Variants in EFL1 observed in about 807,000 individuals in gnomAD.
EFL1 encodes elongation factor-like GTPase 1.
A neutral mutation model predicts 126.7 loss-of-function variants in EFL1; 76 were observed. That is an observed-to-expected ratio of 0.60 (90% CI 0.50 to 0.73). The LOEUF (loss-of-function observed/expected upper bound fraction) is 0.73. Ranked by LOEUF, EFL1 falls within the 30% of genes least tolerant of loss-of-function variation. The probability of loss-of-function intolerance (pLI) is 0.00; values close to 1 mark genes in which losing one functional copy is unlikely to be tolerated. For synonymous variants in EFL1, 410 were observed against 448.4 expected (o/e 0.91, Z 1.08); for missense variants, 1,128 against 1,343.2 (o/e 0.84, Z 2.50).
chr15:82,259,721 G>A (rs1266750893), intron 2 of EFL1, among the ~76,000 whole-genome samples: 1 of 152,164 alleles, frequency 6.6e-6, no homozygotes, highest in African/African-American at 2.4e-5. Flanking sequence ...ATATAAACAG[G>A]TGATTCTGTG....
At chr15:82,219,933 A>AT (rs1280919824) in intron 13 of EFL1, 115 bp from the exon 14 acceptor site, 3 of 1,489,228 alleles carry the variant, frequency 2.0e-6, no homozygotes, top group Admixed American at 2.4e-5. Context: ...AGGAAAAAAA[A>AT]GAAAACAAAA....
chr15:82,251,204 T>G (rs527520244), intron 4 of EFL1, among the ~76,000 whole-genome samples: 37 of 152,020 alleles, frequency 2.4e-4, no homozygotes, highest in Non-Finnish European at 2.6e-4. Context: ...AGAGCAAGAC[T>G]CCGTCTCAAA....
intron 16 of EFL1, among the ~76,000 whole-genome samples, chr15:82,160,856 G>A (rs2074015852): frequency 6.6e-6 from 1 of 152,172 alleles, no homozygotes. Flanking sequence ...CTCATGTGAA[G>A]ATGAGAATAA....
chr15:82,216,751 T>G (rs1229665722), intron 14 of EFL1, among the ~76,000 whole-genome samples: 1 of 152,028 alleles, frequency 6.6e-6, no homozygotes, highest in Admixed American at 6.6e-5. Context: ...ATAAGAGAGT[T>G]TTGTGACTTC....
At chr15:82,200,555 T>C (rs1466489924) in intron 15 of EFL1, among the ~76,000 whole-genome samples, 2 of 149,280 alleles carry the variant, frequency 1.3e-5, no homozygotes, top group African/African-American at 2.5e-5. Context: ...AGAATATTTC[T>C]GCTTCTCTTA....
intron 19 of EFL1, among the ~76,000 whole-genome samples, chr15:82,133,683 C>T (rs1161354099): frequency 6.6e-6 from 1 of 152,150 alleles, no homozygotes; most frequent in African/African-American, 2.4e-5. Flanking sequence ...TTTTAAGACA[C>T]CCGGCCACAA....
intron 15 of EFL1, among the ~76,000 whole-genome samples, chr15:82,203,072 T>C (rs2074487494): frequency 6.6e-6 from 1 of 152,064 alleles, no homozygotes; most frequent in Admixed American, 6.5e-5. Flanking sequence ...CAGTCTCCCA[T>C]AATGCTGGGA....
At position 82,142,622 on chromosome 15, in the gene EFL1, T is replaced by C. The variant is rs72749529; in HGVS notation, c.2990-3780A>G. Among the ~76,000 whole-genome samples the C allele has an allele frequency of 6.9e-3, 1,058 of 152,252 alleles. 9 individuals are homozygous for C. The highest frequency in any genetic ancestry group is 8.2e-3 in the Non-Finnish European group (560 of 68,016). On this transcript the variant is annotated intron_variant, in intron 18 of 19. Transcript: ENST00000268206. ...AAAAGATTAATCAATTAAAACAGTA[T>C]TGATCAGTGCTCAACTGTTAATGAC...
chr15:82,260,907 A>G (rs1403054564), intron 2 of EFL1, among the ~76,000 whole-genome samples: 1 of 152,172 alleles, frequency 6.6e-6, no homozygotes, highest in African/African-American at 2.4e-5. Context: ...TGCTGTGGTT[A>G]CCTAAACTAC....
chr15:82,223,933 T>C (rs1203774850), intron 12 of EFL1, among the ~76,000 whole-genome samples: 1 of 152,142 alleles, frequency 6.6e-6, no homozygotes, highest in Non-Finnish European at 1.5e-5. Flanking sequence ...AGGACAAAAA[T>C]TATTGAATAC....
intron 15 of EFL1, among the ~76,000 whole-genome samples, chr15:82,213,979 A>C (rs965266642): frequency 3.0e-4 from 46 of 152,252 alleles, no homozygotes; most frequent in African/African-American, 1.1e-3. Context: ...GGACCAACAG[A>C]CTAGGCCTTT....
chr15:82,188,900 T>TTC (rs1448940341), intron 15 of EFL1, among the ~76,000 whole-genome samples: 1 of 151,174 alleles, frequency 6.6e-6, no homozygotes, highest in Non-Finnish European at 1.5e-5. Context: ...TTTTGCAATG[T>TTC]TAGAGAATGT....
chr15:82,253,684 T>C (rs1399218112), intron 3 of EFL1, among the ~76,000 whole-genome samples: 1 of 152,196 alleles, frequency 6.6e-6, no homozygotes, highest in Admixed American at 6.5e-5. Context: ...AATTAATAGA[T>C]TTTGAATACA....
intron 6 of EFL1, among the ~76,000 whole-genome samples, chr15:82,239,744 C>T (rs912481256): frequency 6.6e-6 from 1 of 152,168 alleles, no homozygotes; most frequent in Non-Finnish European, 1.5e-5. Context: ...TATGACTTTG[C>T]CCATCGTATT....
intron 18 of EFL1, 21 bp from the exon 19 acceptor site, chr15:82,138,863 T>C: frequency 1.2e-6 from 2 of 1,606,146 alleles, no homozygotes; most frequent in Non-Finnish European, 1.7e-6. Context: ...ATAAATCTTT[T>C]AAAATCATGG....
chr15:82,187,766 A>G (rs1946244261), intron 15 of EFL1, among the ~76,000 whole-genome samples: 2 of 152,176 alleles, frequency 1.3e-5, no homozygotes, highest in South Asian at 4.1e-4. Context: ...TATGCACAGT[A>G]TCTAAAATGT....
At chr15:82,133,988 G>A (rs1386195535) in intron 19 of EFL1, among the ~76,000 whole-genome samples, 2 of 152,162 alleles carry the variant, frequency 1.3e-5, no homozygotes, top group African/African-American at 4.8e-5. Flanking sequence ...CACTGGCTCT[G>A]GAGCCAGGCA....
intron 14 of EFL1, among the ~76,000 whole-genome samples, chr15:82,217,391 A>AAC (rs985057788): frequency 1.3e-5 from 2 of 150,712 alleles, no homozygotes; most frequent in Non-Finnish European, 3.0e-5. Flanking sequence ...AAAAAAAAAA[A>AAC]AAAACGAAAA....
chr15:82,175,092 T>C (rs185567562), intron 15 of EFL1, among the ~76,000 whole-genome samples: 1 of 152,316 alleles, frequency 6.6e-6, no homozygotes, highest in East Asian at 1.9e-4. Flanking sequence ...AAATCCCACA[T>C]TCTATTTTCT....
Sources: gnomAD v4.1 joint callset for allele counts (sites outside exome capture counted in the v4.1 genomes callset) on GRCh38, gnomAD v4.1.1 for gene constraint, MANE v1.5 for transcripts, NCBI Gene and HGNC (gene_info 2026-07-23, HGNC 2026-07-21) for gene names.